Variants in TES observed in about 807,000 individuals in gnomAD.
The protein encoded by TES is testin LIM domain protein.
Under a neutral mutation model 48.2 loss-of-function variants are expected in TES, and 41 were observed. The observed-to-expected ratio is 0.85, with a 90% CI of 0.66 to 1.10. The LOEUF (loss-of-function observed/expected upper bound fraction) is 1.10. TES is among the 50% of genes least tolerant of loss of function. The pLI, the probability that TES is intolerant of heterozygous loss-of-function variation, is 0.00. For synonymous variants in TES, 162 were observed against 174.9 expected, an observed-to-expected ratio of 0.93 and a Z score of 0.58; for missense variants, 463 against 515.1, an observed-to-expected ratio of 0.90 and a Z score of 0.98.
chr7:116,212,338 A>G (rs1386767699), intron 1 of TES, among the ~76,000 whole-genome samples: 1 of 152,322 alleles, frequency 6.6e-6, no homozygotes, highest in Non-Finnish European at 1.5e-5. Flanking sequence ...ATGTAATTAT[A>G]CATTAATCAA....
At position 116,250,408 on chromosome 7, in the gene TES, A is replaced by G; in HGVS notation, c.614A>G (p.Gln205Arg). ...PCEMDAQGPK[Q>R]MNIPGGDRST... ...GAGATGGATGCCCAAGGCCCCAAAC[A>G]AATGAACATTCCTGGAGGGGATAGA... Residue 205 changes from glutamine to arginine, a missense_variant, in exon 4 of 7, where the codon CAA becomes CGA. Transcript: ENST00000358204. 6.2e-7 allele frequency: 1 copy of G among 1,613,438 alleles called. No individual in the cohort carries two copies. Among genetic ancestry groups the G allele is most frequent in the South Asian group, 1.1e-5 (1 of 90,888 alleles).
intron 1 of TES, among the ~76,000 whole-genome samples, chr7:116,212,396 G>A (rs546174928): frequency 6.6e-6 from 1 of 152,256 alleles, no homozygotes; most frequent in South Asian, 2.1e-4. Context: ...TGTAAACTAT[G>A]TATGTTGGGG....
intron 6 of TES, chr7:116,254,987 A>G (rs1005760254): frequency 1.4e-5 from 2 of 142,714 alleles, no homozygotes; most frequent in Non-Finnish European, 3.0e-5. Context: ...ATCTGCTTAG[A>G]TCTTTTCATC....
At position 116,257,371 on chromosome 7, in the gene TES, C is replaced by T; in HGVS notation, c.1155C>T (p.Ser385=). The T allele has an allele frequency of 1.9e-6, 3 of 1,613,990 alleles. No individual in the cohort carries two copies. The highest frequency in any genetic ancestry group is 2.5e-6 in the Non-Finnish European group (3 of 1,179,972). The part of the protein sequence containing the change: ...VTYNNFSWHA[S]TECFLCSCCS... ...ATAACAATTTCAGCTGGCATGCATC[C>T]ACAGAGTGCTTTCTGTGCTCTTGCT... Residue 385 remains serine, a synonymous_variant, in exon 7 of 7, where the codon TCC becomes TCT. Coordinates refer to ENST00000358204, the MANE Select transcript of TES (RefSeq NM_015641.4).
intron 1 of TES, chr7:116,211,585 C>G (rs1321611712): frequency 6.6e-6 from 1 of 152,180 alleles, no homozygotes. Context: ...TTGCCCTGTG[C>G]GAAAGTTCTC....
chr7:116,256,528 T>C (rs912763609), intron 6 of TES, among the ~76,000 whole-genome samples: 15 of 152,384 alleles, frequency 9.8e-5, no homozygotes, highest in Admixed American at 7.2e-4. Context: ...TGTTTTCTGC[T>C]ATAACATAGG....
At chr7:116,229,592 G>C (rs529239173) in intron 1 of TES, among the ~76,000 whole-genome samples, 1 of 152,176 alleles carries the variant, frequency 6.6e-6, no homozygotes, top group East Asian at 1.9e-4. Flanking sequence ...ACTGTACTTG[G>C]GGCAGTTCTG....
At chr7:116,229,323 C>A (rs142436995) in intron 1 of TES, among the ~76,000 whole-genome samples, 3 of 151,884 alleles carry the variant, frequency 2.0e-5, no homozygotes, top group African/African-American at 7.3e-5. Flanking sequence ...TTTGGATGTC[C>A]AAGAATAGTC....
At chr7:116,217,956 T>C (rs1343825856) in intron 1 of TES, 6 of 496,418 alleles carry the variant, frequency 1.2e-5, no homozygotes, top group Non-Finnish European at 2.4e-5. Flanking sequence ...TATCACTGTA[T>C]TTATTTTGGT....
At chr7:116,222,287 G>A (rs1193302023) in intron 1 of TES, among the ~76,000 whole-genome samples, 2 of 151,978 alleles carry the variant, frequency 1.3e-5, no homozygotes, top group Non-Finnish European at 2.9e-5. Context: ...CTGTCTTTTT[G>A]CACCCCCTTT....
intron 2 of TES, among the ~76,000 whole-genome samples, chr7:116,238,615 T>TATTA (rs10524020): frequency 2.0e-5 from 3 of 148,226 alleles, no homozygotes; most frequent in Non-Finnish European, 3.0e-5. Context: ...TTATTATTAT[T>TATTA]TTTGAGATGG....
chr7:116,245,973 A>G (rs1177553707), intron 2 of TES, among the ~76,000 whole-genome samples: 2 of 152,158 alleles, frequency 1.3e-5, no homozygotes, highest in Non-Finnish European at 2.9e-5. Context: ...TGAGAATAGC[A>G]TGAGGGTAAC....
At chr7:116,217,990 A>G (rs1207767869) in intron 1 of TES, 2 of 468,212 alleles carry the variant, frequency 4.3e-6, no homozygotes, top group Non-Finnish European at 8.6e-6. Flanking sequence ...GTAAAAAAGC[A>G]TAGTTTAGAA....
chr7:116,241,360 C>T (rs1324732101), intron 2 of TES, among the ~76,000 whole-genome samples: 1 of 152,160 alleles, frequency 6.6e-6, no homozygotes, highest in Non-Finnish European at 1.5e-5. Flanking sequence ...ATAGATAGCT[C>T]CTGGCACCTG....
In TES at chr7:116,251,994, C is replaced by T. The variant is rs1800020815; in HGVS notation, c.918+19C>T. The T allele has an allele frequency of 4.3e-6, 7 of 1,611,912 alleles. No individual in the cohort carries two copies. Among genetic ancestry groups the T allele is most frequent in the Non-Finnish European group, 5.9e-6 (7 of 1,178,066 alleles). On this transcript the variant is annotated intron_variant, in intron 5 of 6. Coordinates refer to ENST00000358204, the MANE Select transcript of TES (RefSeq NM_015641.4). ...TGACGAGGTATGTTCTATGGGACCA[C>T]CGGCATGCTGGTGCCCTCTTAGACC...
At chr7:116,236,765 G>T (rs545867200) in intron 2 of TES, among the ~76,000 whole-genome samples, 1 of 152,040 alleles carries the variant, frequency 6.6e-6, no homozygotes, top group Non-Finnish European at 1.5e-5. Context: ...AAATATATCC[G>T]ACAAGAGCAG....
intron 2 of TES, among the ~76,000 whole-genome samples, chr7:116,242,629 A>T (rs2116612493): frequency 6.6e-6 from 1 of 152,262 alleles, no homozygotes; most frequent in South Asian, 2.1e-4. Flanking sequence ...CAACAAACTA[A>T]AATCTATAAT....
intron 1 of TES, among the ~76,000 whole-genome samples, chr7:116,228,998 CTATATATATATATATATATATA>C (rs58514364): frequency 1.8e-5 from 2 of 110,158 alleles, no homozygotes; most frequent in Non-Finnish European, 1.8e-5. Context: ...GTATCTATAA[CTATATATATATATATATATATA>C]TATATATATA....
At chr7:116,255,027 G>C (rs1208986414) in intron 6 of TES, 1 of 147,660 alleles carries the variant, frequency 6.8e-6, no homozygotes, top group Non-Finnish European at 1.5e-5. Flanking sequence ...ATTATTTTTA[G>C]ACCTGAAATC....
Sources: allele counts gnomAD v4.1 joint callset (sites outside exome capture counted in the v4.1 genomes callset), GRCh38; gene constraint gnomAD v4.1.1; transcripts MANE v1.5; gene names NCBI Gene and HGNC (gene_info 2026-07-23, HGNC 2026-07-21).